Variants in MYO16 observed in about 807,000 individuals in gnomAD.
MYO16 encodes myosin XVI, also known as unconventional myosin-XVI.
In MYO16, 94 loss-of-function variants were observed where a neutral mutation model predicts 205.3. That is an observed-to-expected ratio of 0.46 (90% confidence interval 0.39 to 0.54). The LOEUF is 0.54. MYO16 is among the 20% of genes least tolerant of loss of function. MYO16 has a pLI of 0.00. For synonymous variants in MYO16, 988 were observed against 954.0 expected, an observed-to-expected ratio of 1.04 and a Z score of -0.66; for missense variants, 2,315 against 2,387.5, an observed-to-expected ratio of 0.97 and a Z score of 0.63.
At chr13:108,737,373 T>A (rs1460653339) in intron 4 of MYO16, among the ~76,000 whole-genome samples, 5 of 152,228 alleles carry the variant, frequency 3.3e-5, no homozygotes, top group Non-Finnish European at 7.3e-5. Context: ...TTCAAAGGCC[T>A]TTTCTGCATC....
At chr13:109,149,021 G>A (rs901896442) in intron 32 of MYO16, among the ~76,000 whole-genome samples, 2 of 152,160 alleles carry the variant, frequency 1.3e-5, no homozygotes, top group African/African-American at 2.4e-5. Flanking sequence ...TTCCTTGCAT[G>A]GAATCAGAGC....
chr13:109,180,505 A>T (rs922188782), intron 34 of MYO16, among the ~76,000 whole-genome samples: 1 of 152,224 alleles, frequency 6.6e-6, no homozygotes, highest in Non-Finnish European at 1.5e-5. Context: ...TATGTCAAAC[A>T]TCTACATAAA....
At chr13:108,548,384 G>A in the MYO16 span, among the ~76,000 whole-genome samples, 1 of 150,812 alleles carries the variant, frequency 6.6e-6, no homozygotes, top group East Asian at 2.0e-4. Context: ...AGTCGGTGGT[G>A]GCAATAATGG....
chr13:108,747,307 T>C (rs1885096390), intron 4 of MYO16, among the ~76,000 whole-genome samples: 1 of 127,522 alleles, frequency 7.8e-6, no homozygotes, highest in South Asian at 2.5e-4. Flanking sequence ...TCTAAAAATG[T>C]CTATTTAAAG....
chr13:109,175,271 A>G lies in MYO16; in HGVS notation c.5324-4271A>G, dbSNP rs903055811. 8.5e-5 allele frequency among the ~76,000 whole-genome samples: 13 copies of G among 152,186 alleles called. No homozygotes were observed. In the South Asian group the frequency reaches 2.1e-3, roughly 24 times the overall value. On this transcript the variant is annotated intron_variant, in intron 33 of 34. Transcript: ENST00000457511. ...CTTTCAGTGCTCTGAGCAGCCTCCA[A>G]TTCAGGAGGAGAGGGAGAACAGAGG...
chr13:108,627,937 G>A (rs72664948), upstream of MYO16, among the ~76,000 whole-genome samples: 25,977 of 152,078 alleles, frequency 0.17, 2,756 homozygotes, highest in Non-Finnish European at 0.24. Context: ...AGAGAAGGGG[G>A]TAGGGACATC....
At position 109,207,310 on chromosome 13, in the gene MYO16, GATA is replaced by G. The variant is rs1448720312; in HGVS notation, c.*477_*479del. On this transcript the variant is annotated 3_prime_UTR_variant, in exon 35 of 35. Coordinates refer to ENST00000457511, the MANE Select transcript of MYO16 (RefSeq NM_001198950.3). ...TGTGTTTTATTGGTATTATAAACCT[GATA>G]ATTATTTACATGTTTATTACTGTAA... 1 of 152,296 alleles carries G rather than the reference GATA, an allele frequency of 6.6e-6. No homozygotes were observed. Among genetic ancestry groups the G allele is most frequent in the Non-Finnish European group, 1.5e-5 (1 of 68,176 alleles). The allele number at this position is 152,296 out of a possible 1,614,324, so 9.4% of individuals were successfully genotyped here. A position where few individuals can be genotyped will look rare whatever the true frequency, so the allele number is the denominator to read the frequency against.
chr13:108,500,159 C>G, the MYO16 span, among the ~76,000 whole-genome samples: 1 of 150,044 alleles, frequency 6.7e-6, no homozygotes, highest in Non-Finnish European at 1.5e-5. Flanking sequence ...GAATCCTAAT[C>G]TTGATTGTTC....
At chr13:109,034,537 A>G (rs1886651253) in intron 23 of MYO16, among the ~76,000 whole-genome samples, 2 of 152,158 alleles carry the variant, frequency 1.3e-5, no homozygotes. Flanking sequence ...GCCATGCTGA[A>G]CTGTGAGGCA....
At position 109,141,614 on chromosome 13, in the gene MYO16, G is replaced by A. The variant is rs1877102035; in HGVS notation, c.5164+238G>A. ...GGAAAGGCTCGTGATATAGAAAGAC[G>A]CAGACCGCAACTGGATTTAATAAAT... On this transcript the variant is annotated intron_variant, in intron 32 of 34. Coordinates refer to ENST00000457511, the MANE Select transcript of MYO16 (RefSeq NM_001198950.3). This position sits in a 1 kb window ranked among gnomAD's most constrained non-coding sequence, Gnocchi z 4.1. Among the ~76,000 whole-genome samples, 1 of 152,176 alleles carries A rather than the reference G, an allele frequency of 6.6e-6. No homozygotes were observed. The highest frequency in any genetic ancestry group is 2.4e-5 in the African/African-American group (1 of 41,428).
Position 108,943,582 on chromosome 13 carries a change from G to A in MYO16, c.1926-14106G>A, listed in dbSNP as rs974667516. On this transcript the variant is annotated intron_variant, in intron 16 of 34. Transcript: ENST00000457511. ...AAGCGATTCTCCTGCCTCCCAAGTCGCTGGGATTACAGGCGTGAGTCACCA... is the reference window on the plus strand; with the variant it reads ...AAGCGATTCTCCTGCCTCCCAAGTCACTGGGATTACAGGCGTGAGTCACCA... Among the ~76,000 whole-genome samples, 6 of 151,898 alleles carry A rather than the reference G, an allele frequency of 4.0e-5. No homozygotes were observed. The South Asian group carries it at 6.2e-4, about 16-fold the overall frequency.
intron 4 of MYO16, among the ~76,000 whole-genome samples, chr13:108,736,929 T>C (rs1212281896): frequency 6.6e-6 from 1 of 152,084 alleles, no homozygotes; most frequent in Non-Finnish European, 1.5e-5. Flanking sequence ...CCCTCATGAT[T>C]TGGCTGTTTG....
At chr13:109,192,762 G>A (rs963507011) in intron 34 of MYO16, among the ~76,000 whole-genome samples, 2 of 152,132 alleles carry the variant, frequency 1.3e-5, no homozygotes, top group Non-Finnish European at 2.9e-5. Context: ...GACATGAAAG[G>A]TCATCCACTC....
intron 20 of MYO16, among the ~76,000 whole-genome samples, chr13:108,979,095 A>G (rs541884934): frequency 6.6e-6 from 1 of 152,140 alleles, no homozygotes; most frequent in Admixed American, 6.5e-5. Flanking sequence ...GAATCTGCCT[A>G]TGCAAATTAT....
chr13:108,699,369 TA>T (rs1179436875), intron 2 of MYO16, among the ~76,000 whole-genome samples: 8 of 152,280 alleles, frequency 5.3e-5, no homozygotes, highest in Non-Finnish European at 1.0e-4. Flanking sequence ...TCCAGATTAG[TA>T]GTTATGTCAG....
At chr13:108,659,987 A>C (rs1470512391) in intron 1 of MYO16, among the ~76,000 whole-genome samples, 1 of 152,144 alleles carries the variant, frequency 6.6e-6, no homozygotes, top group Admixed American at 6.6e-5. Flanking sequence ...CTGCAGTCCC[A>C]GCTACTTGGG....
intron 20 of MYO16, among the ~76,000 whole-genome samples, chr13:108,990,207 G>A (rs887772007): frequency 3.1e-4 from 47 of 149,908 alleles, no homozygotes; most frequent in African/African-American, 1.1e-3. Context: ...AAAAAATCAC[G>A]CTAAGCCTCA....
intron 5 of MYO16, 138 bp from the exon 6 acceptor site, chr13:108,793,378 C>A (rs1886682000): frequency 2.9e-6 from 2 of 680,966 alleles, no homozygotes; most frequent in Admixed American, 2.7e-5. Flanking sequence ...ATAATCAATT[C>A]TTTGAATGAG....
the MYO16 span, among the ~76,000 whole-genome samples, chr13:108,519,237 G>C: frequency 6.6e-6 from 1 of 152,098 alleles, no homozygotes; most frequent in Non-Finnish European, 1.5e-5. Flanking sequence ...GATGGCTCCA[G>C]GTCAGTGGCC....
Sources: gnomAD v4.1 joint callset for allele counts (sites outside exome capture counted in the v4.1 genomes callset) on GRCh38, gnomAD v4.1.1 for gene constraint, Gnocchi (gnomAD v3.1) non-coding constraint, MANE v1.5 for transcripts, NCBI Gene and HGNC (gene_info 2026-07-23, HGNC 2026-07-21) for gene names.